PCYT1B: variants seen among roughly 807,000 people sequenced by gnomAD.
The protein encoded by PCYT1B is choline-phosphate cytidylyltransferase B.
In PCYT1B, 10 loss-of-function variants were observed where a neutral mutation model predicts 26.4. The observed-to-expected ratio is 0.38, with a 90% CI of 0.23 to 0.64. The LOEUF (loss-of-function observed/expected upper bound fraction) is 0.64, where lower values mean the gene tolerates loss of function less well. Among genes scored for constraint, PCYT1B ranks in the 30% least tolerant of loss-of-function variants. The pLI, the probability that PCYT1B is intolerant of heterozygous loss-of-function variation, is 0.56. For missense variants in PCYT1B, 161 were observed against 292.7 expected (o/e 0.55, Z 3.28); for synonymous variants, 131 against 108.4 (o/e 1.21, Z -1.29).
At position 24,655,416 on chromosome X, in the gene PCYT1B, G is replaced by A. The variant is rs1197416508; in HGVS notation, c.63+17154C>T. Among the ~76,000 whole-genome samples the A allele has an allele frequency of 8.9e-5, 10 of 112,204 alleles. No homozygotes were observed. The East Asian group carries it at 2.8e-3, about 31-fold the overall frequency. ...AGCACTCTTTACTTTTATTCATTCA[G>A]TTCATTTCATATTTGTGCAACCGTG... On this transcript the variant is annotated intron_variant, in intron 1 of 7. Transcript: ENST00000379145.
chrX:24,595,254 AAAG>A (rs1451528589), intron 3 of PCYT1B, among the ~76,000 whole-genome samples: 18 of 109,009 alleles, frequency 1.7e-4, no homozygotes, highest in African/African-American at 5.7e-4. Flanking sequence ...GGTATTCTGG[AAAG>A]AAGAAGACAA....
chrX:24,670,866 G>A (rs985486978), intron 1 of PCYT1B, among the ~76,000 whole-genome samples: 5 of 111,634 alleles, frequency 4.5e-5, no homozygotes, highest in African/African-American at 1.6e-4. Context: ...ATTTGCAAAA[G>A]GTATCAGAAT....
intron 1 of PCYT1B, among the ~76,000 whole-genome samples, chrX:24,654,787 A>C (rs1725442554): frequency 9.5e-6 from 1 of 105,575 alleles, no homozygotes; most frequent in East Asian, 3.0e-4. Context: ...TGTATCATGA[A>C]GAAGGAAGGG....
chrX:24,599,727 A>T (rs1220988755), intron 3 of PCYT1B, among the ~76,000 whole-genome samples: 1 of 111,761 alleles, frequency 8.9e-6, no homozygotes, highest in East Asian at 2.8e-4. Flanking sequence ...TATGGGAGAG[A>T]AGCAGAATGA....
intron 3 of PCYT1B, among the ~76,000 whole-genome samples, chrX:24,606,541 C>T (rs1925141033): frequency 9.0e-6 from 1 of 111,611 alleles, no homozygotes; most frequent in Non-Finnish European, 1.9e-5. Context: ...TTGGCAAAAC[C>T]TGCAGAAGAG....
intron 3 of PCYT1B, among the ~76,000 whole-genome samples, chrX:24,598,939 T>A (rs894910824): frequency 8.9e-6 from 1 of 112,134 alleles, no homozygotes; most frequent in African/African-American, 3.2e-5. Context: ...AGATTTTGTT[T>A]TTTAAAAAAG....
intron 2 of PCYT1B, among the ~76,000 whole-genome samples, chrX:24,608,950 A>G (rs1177156399): frequency 9.0e-6 from 1 of 111,497 alleles, no homozygotes; most frequent in Non-Finnish European, 1.9e-5. Context: ...CAACCTTGAC[A>G]CCTTTCTAGA....
upstream of PCYT1B, among the ~76,000 whole-genome samples, chrX:24,648,486 A>G (rs994562649): frequency 2.3e-4 from 10 of 42,615 alleles, no homozygotes; most frequent in African/African-American, 1.0e-3. Context: ...GCGAAGGGCG[A>G]GGTGGTGGGG....
chrX:24,670,648 T>A (rs761161482), intron 1 of PCYT1B, among the ~76,000 whole-genome samples: 426 of 112,297 alleles, frequency 3.8e-3, no homozygotes, highest in African/African-American at 0.013. Flanking sequence ...TAAATAAGCC[T>A]ATTCAATTTA....
rs983567869 is a variant in PCYT1B at position 24,663,546 on chromosome X, G to A, written c.63+9024C>T. 5.3e-5 allele frequency among the ~76,000 whole-genome samples: 6 copies of A among 112,200 alleles called. 1 individual carries two copies. The highest frequency in any genetic ancestry group is 5.6e-5 in the Non-Finnish European group (3 of 53,276). ...CTGGACAAGTAATTTTGATCTAGTC[G>A]ATTTCTTTCCAAATAATTCCCTGGA... On this transcript the variant is annotated intron_variant, in intron 1 of 7. Coordinates refer to the PCYT1B transcript ENST00000379145.
intron 1 of PCYT1B, among the ~76,000 whole-genome samples, chrX:24,656,236 G>GGC (rs1443803546): frequency 1.0e-5 from 1 of 98,941 alleles, no homozygotes; most frequent in Non-Finnish European, 2.0e-5. Context: ...TCGCGGGGGG[G>GGC]GGTGGTAATC....
At chrX:24,633,353 C>T (rs971514358) in intron 1 of PCYT1B, among the ~76,000 whole-genome samples, 3 of 109,003 alleles carry the variant, frequency 2.8e-5, no homozygotes, top group Non-Finnish European at 5.7e-5. Flanking sequence ...CAAAATTTCA[C>T]ATGTACCCCA....
chrX:24,641,225 G>A (rs755806625), intron 1 of PCYT1B, among the ~76,000 whole-genome samples: 9 of 112,146 alleles, frequency 8.0e-5, no homozygotes, highest in East Asian at 2.8e-4. Flanking sequence ...AAGCCACTGC[G>A]CCTGGCCCCT....
intron 1 of PCYT1B, among the ~76,000 whole-genome samples, chrX:24,653,755 CTTT>C (rs761800393): frequency 9.9e-6 from 1 of 100,848 alleles, no homozygotes. Flanking sequence ...CCATAAAATT[CTTT>C]TTTTTTTTTT....
rs755961141 is a variant in PCYT1B, at chrX:24,611,219, C to T, written c.218-3358G>A. ...GGTTGTTAGGTATGAGTGACAGGCA[C>T]AGGAAGGTTCATTATATTGTTCTAC... On this transcript the variant is annotated intron_variant, in intron 2 of 7. Transcript: ENST00000379144. Among the ~76,000 whole-genome samples the T allele has an allele frequency of 9.0e-5, 10 of 111,221 alleles. No homozygotes were observed. The South Asian group carries it at 2.3e-3, about 26-fold the overall frequency.
chrX:24,672,647 T>C (rs1461502632), exon 1 of PCYT1B: 1 of 1,177,482 alleles, frequency 8.5e-7, no homozygotes, highest in Non-Finnish European at 1.2e-6. Context: ...GCTCCTGATC[T>C]TTTTATCTTC....
intron 1 of PCYT1B, among the ~76,000 whole-genome samples, chrX:24,627,250 T>C (rs1387139786): frequency 6.3e-5 from 7 of 111,715 alleles, no homozygotes. Flanking sequence ...AGAAAGGAGA[T>C]GAGAGGCACC....
intron 7 of PCYT1B, among the ~76,000 whole-genome samples, chrX:24,565,149 C>T (rs1923581501): frequency 9.1e-6 from 1 of 110,456 alleles, no homozygotes; most frequent in South Asian, 4.0e-4. Context: ...GCCTGCTGCT[C>T]AGCCTCCCAG....
intron 7 of PCYT1B, among the ~76,000 whole-genome samples, chrX:24,564,769 G>A (rs1010786864): frequency 3.9e-4 from 43 of 111,191 alleles, no homozygotes; most frequent in African/African-American, 1.3e-3. Flanking sequence ...CCCTCCCCCA[G>A]CCACTGGCAA....
Sources: gnomAD v4.1 joint callset for allele counts (sites outside exome capture counted in the v4.1 genomes callset) on GRCh38, gnomAD v4.1.1 for gene constraint, MANE v1.5 for transcripts, NCBI Gene and HGNC (gene_info 2026-07-23, HGNC 2026-07-21) for gene names.